The following NDC1 variants were observed in gnomAD, a reference collection of about 807,000 sequenced individuals.
NDC1 encodes nucleoporin NDC1.
A neutral mutation model predicts 89.8 loss-of-function variants in NDC1; 24 were observed. The observed-to-expected ratio is 0.27, with a 90% CI of 0.19 to 0.38. The LOEUF is 0.38. Ranked by LOEUF, NDC1 falls within the 10% of genes least tolerant of loss-of-function variation. The pLI is 1.00. For synonymous variants in NDC1, 296 were observed against 284.8 expected (o/e 1.04, Z -0.39); for missense variants, 728 against 797.6 (o/e 0.91, Z 1.05).
chr1:53,765,750 A>G lies in NDC1; in HGVS notation c.*2220T>C. 1 of 152,130 alleles carries G rather than the reference A, an allele frequency of 6.6e-6. No homozygotes were observed. The highest frequency in any genetic ancestry group is 1.5e-5 in the Non-Finnish European group (1 of 68,030). 9.4% of individuals were successfully genotyped at this position (152,130 alleles called of 1,614,324 possible). A position where few individuals can be genotyped will look rare whatever the true frequency, so the allele number is the denominator to read the frequency against. ...AAACATGCTAAGAGCTGATACCATCATGTTTTTATACTAACAGCCGAGAAA... is the reference window on the plus strand; with the variant it reads ...AAACATGCTAAGAGCTGATACCATCGTGTTTTTATACTAACAGCCGAGAAA... On this transcript the variant is annotated 3_prime_UTR_variant, in exon 18 of 18. Transcript: ENST00000371429.
At chr1:53,800,632 G>T in intron 11 of NDC1, 61 bp downstream of exon 11, 1 of 1,583,194 alleles carries the variant, frequency 6.3e-7, no homozygotes, top group East Asian at 2.2e-5. Flanking sequence ...GTCTACTACA[G>T]TCATCTTTCT....
chr1:53,775,965 T>A (rs112716110), intron 16 of NDC1, among the ~76,000 whole-genome samples: 1 of 118,348 alleles, frequency 8.4e-6, no homozygotes, highest in Admixed American at 7.9e-5. Flanking sequence ...CTTTTTTTTT[T>A]TTTTTTTGAG....
intron 9 of NDC1, 76 bp from the exon 10 acceptor site, chr1:53,804,085 T>TAA: frequency 2.0e-6 from 2 of 1,002,666 alleles, no homozygotes. Context: ...GGGTTCATCA[T>TAA]TATATATCCA....
intron 16 of NDC1, among the ~76,000 whole-genome samples, chr1:53,775,991 G>C (rs1647159787): frequency 7.0e-6 from 1 of 142,544 alleles, no homozygotes; most frequent in Admixed American, 7.4e-5. Flanking sequence ...GTCTCACTCT[G>C]TCATCTTGGC....
rs776373004 is a variant in NDC1 at position 53,835,641 on chromosome 1, C to T, written c.58-21G>A. 8.8e-6 allele frequency: 14 copies of T among 1,593,990 alleles called. No individual in the cohort carries two copies. The South Asian group carries it at 1.3e-4, about 14-fold the overall frequency. On this transcript the variant is annotated intron_variant, in intron 1 of 17. Coordinates refer to ENST00000371429, the MANE Select transcript of NDC1 (RefSeq NM_018087.5). ...AAAACCTATAAACAAAAAGAAAAAC[C>T]CTCACTCATGAAGTCAGTTAAATTA...
rs1647058977 is a variant in NDC1 at position 53,765,602 on chromosome 1, T to C, written c.*2368A>G. On this transcript the variant is annotated 3_prime_UTR_variant, in exon 18 of 18. Transcript: ENST00000371429. ...CAAACAATTACCAAGGAACAAATCCTGCAAAGTAACAAATTGTTGCTTATC... is the reference window on the plus strand; with the variant it reads ...CAAACAATTACCAAGGAACAAATCCCGCAAAGTAACAAATTGTTGCTTATC... 6.6e-6 allele frequency: 1 copy of C among 152,186 alleles called. No individual in the cohort carries two copies. The highest frequency in any genetic ancestry group is 2.1e-4 in the South Asian group (1 of 4,834). The allele number at this position is 152,186 out of a possible 1,614,324, so 9.4% of individuals were successfully genotyped here.
chr1:53,806,568 C>A, intron 8 of NDC1, 51 bp from the exon 9 acceptor site: 1 of 1,138,702 alleles, frequency 8.8e-7, no homozygotes, highest in South Asian at 2.2e-5. Context: ...ATCTTACATT[C>A]AATAAGCATG....
chr1:53,789,465 C>A (rs1002614867), intron 14 of NDC1, among the ~76,000 whole-genome samples: 2 of 152,210 alleles, frequency 1.3e-5, no homozygotes, highest in Non-Finnish European at 2.9e-5. Flanking sequence ...ACTCAACCCA[C>A]CTCAGAGATC....
At chr1:53,813,015 T>C (rs1292306182) in intron 6 of NDC1, among the ~76,000 whole-genome samples, 2 of 152,226 alleles carry the variant, frequency 1.3e-5, no homozygotes, top group Admixed American at 6.5e-5. Context: ...CTAAGCATCA[T>C]ATATGAAGAA....
intron 14 of NDC1, among the ~76,000 whole-genome samples, chr1:53,791,040 C>T (rs4927038): frequency 0.12 from 17,757 of 152,176 alleles, 1,166 homozygotes; most frequent in Non-Finnish European, 0.15. Flanking sequence ...CCTCCTCCTA[C>T]CCTCTACCCA....
chr1:53,820,736 A>G (rs1648644704), intron 5 of NDC1, among the ~76,000 whole-genome samples: 1 of 130,088 alleles, frequency 7.7e-6, no homozygotes, highest in Non-Finnish European at 1.6e-5. Context: ...TGGAGATAAG[A>G]GTCTTGCTCT....
At chr1:53,813,493 CA>C (rs1648379226) in intron 6 of NDC1, among the ~76,000 whole-genome samples, 1 of 152,090 alleles carries the variant, frequency 6.6e-6, no homozygotes, top group African/African-American at 2.4e-5. Flanking sequence ...TTATATCAGA[CA>C]AAACAAATTT....
intron 13 of NDC1, among the ~76,000 whole-genome samples, chr1:53,795,942 T>C (rs1647682064): frequency 6.6e-6 from 1 of 152,156 alleles, no homozygotes; most frequent in Non-Finnish European, 1.5e-5. Flanking sequence ...TTTCTGATCT[T>C]ATCACCCACT....
chr1:53,780,417 C>T (rs1376167935), intron 16 of NDC1, among the ~76,000 whole-genome samples: 1 of 152,206 alleles, frequency 6.6e-6, no homozygotes, highest in Non-Finnish European at 1.5e-5. Flanking sequence ...GCACTGACTA[C>T]AACTGTAGTT....
chr1:53,813,694 T>C (rs1325142273), intron 6 of NDC1, among the ~76,000 whole-genome samples: 1 of 151,956 alleles, frequency 6.6e-6, no homozygotes, highest in Non-Finnish European at 1.5e-5. Flanking sequence ...ACTTCAATAA[T>C]CCACTGACGA....
chr1:53,828,754 G>T (rs75430878), intron 3 of NDC1, among the ~76,000 whole-genome samples: 2 of 151,692 alleles, frequency 1.3e-5, no homozygotes, highest in Non-Finnish European at 2.9e-5. Context: ...TGGGATTACC[G>T]GTGCCTGCCA....
rs1570236404 is a variant in NDC1 at position 53,827,869 on chromosome 1, T to A, written c.455+130A>T. The A allele has an allele frequency of 6.7e-6, 4 of 601,310 alleles. No homozygotes were observed. The East Asian group carries it at 1.2e-4, about 17-fold the overall frequency. 37.2% of individuals were successfully genotyped at this position (601,310 alleles called of 1,614,324 possible). Reference sequence around the variant, plus strand: ...AATAAACACAAAATATTAAAAACACTTGATATATGCAAAAAGCACCTTTTG... The same window carrying A: ...AATAAACACAAAATATTAAAAACACATGATATATGCAAAAAGCACCTTTTG... On this transcript the variant is annotated intron_variant, in intron 4 of 17. Coordinates refer to ENST00000371429, the MANE Select transcript of NDC1 (RefSeq NM_018087.5).
chr1:53,789,222 A>C (rs533206467), intron 14 of NDC1, 26 bp from the exon 15 acceptor site: 1 of 1,544,608 alleles, frequency 6.5e-7, no homozygotes, highest in Non-Finnish European at 8.9e-7. Context: ...AAAACATTCA[A>C]GTGAATTCCC....
At chr1:53,797,196 A>T (rs761180094) in intron 11 of NDC1, 52 bp from the exon 12 acceptor site, 1 of 1,578,652 alleles carries the variant, frequency 6.3e-7, no homozygotes, top group Non-Finnish European at 8.6e-7. Flanking sequence ...CAAGCAGGCT[A>T]GCAGCAACGC....
Sources: gnomAD v4.1 joint callset for allele counts (sites outside exome capture counted in the v4.1 genomes callset) on GRCh38, gnomAD v4.1.1 for gene constraint, MANE v1.5 for transcripts, NCBI Gene and HGNC (gene_info 2026-07-23, HGNC 2026-07-21) for gene names.